Variants in PEX13 observed in about 807,000 individuals in gnomAD.
The protein encoded by PEX13 is peroxisomal biogenesis factor 13.
A neutral mutation model predicts 34.5 loss-of-function variants in PEX13; 28 were observed. The observed-to-expected ratio is 0.81, with a 90% CI of 0.60 to 1.11. PEX13 has a LOEUF of 1.11. PEX13 is among the 50% of genes most tolerant of loss of function. The pLI is 0.00. For missense variants in PEX13, 550 were observed against 491.0 expected, an observed-to-expected ratio of 1.12 and a Z score of -1.13; for synonymous variants, 177 against 175.1, an observed-to-expected ratio of 1.01 and a Z score of -0.09.
chr2:61,023,507 C>T (rs1194116712), intron 1 of PEX13, among the ~76,000 whole-genome samples: 1 of 151,898 alleles, frequency 6.6e-6, no homozygotes, highest in Non-Finnish European at 1.5e-5. Context: ...CAGGAAAATG[C>T]TCATCAATTA....
chr2:61,024,647 A>C (rs1351290168), intron 1 of PEX13, among the ~76,000 whole-genome samples: 5 of 152,150 alleles, frequency 3.3e-5, no homozygotes, highest in Admixed American at 3.3e-4. Context: ...GTCTCTACTG[A>C]AAATACAAAA....
intron 1 of PEX13, among the ~76,000 whole-genome samples, chr2:61,025,703 A>C (rs1305841889): frequency 6.6e-6 from 1 of 152,182 alleles, no homozygotes; most frequent in African/African-American, 2.4e-5. Flanking sequence ...GTATATAGAC[A>C]GTTTAATGTG....
chr2:61,033,352 C>A (rs532928664), intron 2 of PEX13, among the ~76,000 whole-genome samples: 1 of 152,246 alleles, frequency 6.6e-6, no homozygotes, highest in East Asian at 1.9e-4. Flanking sequence ...GATGTAGTTA[C>A]TGACTAAATG....
At chr2:61,028,918 C>G (rs72809443) in intron 1 of PEX13, among the ~76,000 whole-genome samples, 28,833 of 152,060 alleles carry the variant, frequency 0.19, 2,990 homozygotes, top group Middle Eastern at 0.31. Context: ...TACAATGGCT[C>G]ATGCCTGTAA....
chr2:61,044,075 A>G (rs759150610), intron 2 of PEX13, among the ~76,000 whole-genome samples: 18 of 151,914 alleles, frequency 1.2e-4, no homozygotes, highest in Middle Eastern at 3.4e-3. Context: ...TCAGCTTCCC[A>G]AGTAGCTAGT....
At chr2:61,046,222 G>C (rs544833306) in intron 3 of PEX13, among the ~76,000 whole-genome samples, 1 of 152,332 alleles carries the variant, frequency 6.6e-6, no homozygotes, top group African/African-American at 2.4e-5. Context: ...GTTAGTCCTT[G>C]TGGACTGGTG....
rs1341244182 is a variant in PEX13, at chr2:61,031,459, C to G, written c.133C>G (p.Gln45Glu). The G allele has an allele frequency of 6.2e-7, 1 of 1,614,074 alleles. No individual in the cohort carries two copies. The highest frequency in any genetic ancestry group is 2.2e-5 in the East Asian group (1 of 44,904). ...LGPTLMTRPG[Q>E]PALTRVPPPI... ...TCCTACTTTAATGACAAGACCTGGA[C>G]AACCAGCACTTACCAGAGTGCCCCC... Residue 45 changes from glutamine (Q) to glutamate (E), a missense_variant, in exon 2 of 4, where the codon CAA becomes GAA. Physicochemically the swap from Gln to Glu is conservative, Grantham distance 29 (BLOSUM62 2). Coordinates refer to ENST00000295030, the MANE Select transcript of PEX13 (RefSeq NM_002618.4).
Position 61,031,972 on chromosome 2 carries a change from G to T in PEX13, c.646G>T (p.Gly216Ter). Residue 216 changes from glycine (G) to a stop codon, truncating the protein, a stop_gained, in exon 2 of 4, where the codon GGA becomes TGA. Transcript: ENST00000295030. LOFTEE classifies it high-confidence loss of function. ...TGAAGACCTCTGGGCAGAGAGTGAAGGAACTGTGGCATGCCTTGGTGCTGA... is the reference window on the plus strand; with the variant it reads ...TGAAGACCTCTGGGCAGAGAGTGAATGAACTGTGGCATGCCTTGGTGCTGA... ...ENEDLWAESE[G>*]TVACLGAEDR... 1 of 1,614,082 alleles carries T rather than the reference G, an allele frequency of 6.2e-7. No individual in the cohort carries two copies. The highest frequency in any genetic ancestry group is 8.5e-7 in the Non-Finnish European group (1 of 1,179,940).
At chr2:61,044,957 C>T (rs2104812171) in intron 2 of PEX13, among the ~76,000 whole-genome samples, 1 of 152,278 alleles carries the variant, frequency 6.6e-6, no homozygotes, top group Admixed American at 6.5e-5. Context: ...AGGAAATTTC[C>T]ATATTTCAAA....
Position 61,051,075 on chromosome 2 carries a change from G to C in PEX13, c.*2305G>C, listed in dbSNP as rs1198670744. ...CTTTTTTGAAACGACAGTATCGTAA[G>C]TAACATATCATTTATAATAGAAATC... On this transcript the variant is annotated 3_prime_UTR_variant, in exon 4 of 4. Transcript: ENST00000295030. The C allele has an allele frequency of 3.3e-5, 5 of 152,312 alleles. No homozygotes were observed. The highest frequency in any genetic ancestry group is 1.2e-4 in the African/African-American group (5 of 41,442). The allele number at this position is 152,312 out of a possible 1,614,324, so 9.4% of individuals were successfully genotyped here.
chr2:61,047,185 T>G (rs932209831), intron 3 of PEX13, among the ~76,000 whole-genome samples: 1 of 152,100 alleles, frequency 6.6e-6, no homozygotes, highest in Non-Finnish European at 1.5e-5. Context: ...AGACAGAGTC[T>G]AGCTCTGTTG....
chr2:61,028,084 G>A (rs1389162757), intron 1 of PEX13, among the ~76,000 whole-genome samples: 1 of 152,176 alleles, frequency 6.6e-6, no homozygotes, highest in African/African-American at 2.4e-5. Context: ...TAGAATATTT[G>A]TGGTACAAAA....
intron 1 of PEX13, among the ~76,000 whole-genome samples, chr2:61,026,516 T>A (rs1366970797): frequency 6.6e-6 from 1 of 151,528 alleles, no homozygotes; most frequent in East Asian, 1.9e-4. Context: ...CGTGGCTAAT[T>A]TTTGTATTTT....
At chr2:61,024,536 G>A (rs1288722079) in intron 1 of PEX13, among the ~76,000 whole-genome samples, 1 of 152,174 alleles carries the variant, frequency 6.6e-6, no homozygotes, top group Non-Finnish European at 1.5e-5. Flanking sequence ...GAGGCCGGGT[G>A]CAGTGGCTCA....
chr2:61,022,728 G>A (rs1413889376), intron 1 of PEX13, among the ~76,000 whole-genome samples: 3 of 152,120 alleles, frequency 2.0e-5, no homozygotes, highest in Non-Finnish European at 4.4e-5. Flanking sequence ...TTGGCCAGGT[G>A]TAGTGGTGTG....
rs1213639682 is a variant in PEX13 at position 61,031,953 on chromosome 2, C to T, written c.627C>T (p.Asp209=). The change falls in exon 2 of 4, where the codon GAC becomes GAT. Residue 209 remains aspartate (D), a synonymous_variant. Coordinates refer to ENST00000295030, the MANE Select transcript of PEX13 (RefSeq NM_002618.4). ...LGLRRGSENE[D]LWAESEGTVA... The stretch of plus-strand genomic sequence containing the variant: ...TAAGAAGAGGCTCTGAGAATGAAGA[C>T]CTCTGGGCAGAGAGTGAAGGAACTG... 1 of 1,614,140 alleles carries T rather than the reference C, an allele frequency of 6.2e-7. No homozygotes were observed. Among genetic ancestry groups the T allele is most frequent in the South Asian group, 1.1e-5 (1 of 91,078 alleles).
chr2:61,029,826 T>C (rs1289145795), intron 1 of PEX13, among the ~76,000 whole-genome samples: 1 of 150,094 alleles, frequency 6.7e-6, no homozygotes, highest in East Asian at 2.0e-4. Context: ...AAAAAAAAAG[T>C]ATTCAGAAAA....
rs1389294475 is a variant in PEX13 at position 61,031,432 on chromosome 2, G to A, written c.106G>A (p.Gly36Ser). 3 of 1,613,710 alleles carry A rather than the reference G, an allele frequency of 1.9e-6. No homozygotes were observed. The highest frequency in any genetic ancestry group is 1.1e-5 in the South Asian group (1 of 91,074). The change falls in exon 2 of 4, where the codon GGT (glycine) becomes AGT (serine). Residue 36 changes from glycine to serine, a missense_variant. Physicochemically the swap from Gly to Ser is moderately conservative, Grantham distance 56 (BLOSUM62 0). Transcript: ENST00000295030. Reference sequence around the variant, plus strand: ...TTTTGGTTTTAGATCTGCTGATTTGGGTCCTACTTTAATGACAAGACCTGG... The same window carrying A: ...TTTTGGTTTTAGATCTGCTGATTTGAGTCCTACTTTAATGACAAGACCTGG... The part of the protein sequence containing the change: ...PGPTFQSADL[G>S]PTLMTRPGQP...
In PEX13 at chr2:61,048,542, G is replaced by A. The variant is rs144086063; in HGVS notation, c.984G>A (p.Ala328=). The change falls in exon 4 of 4, where the codon GCG becomes GCA. Residue 328 remains alanine (A), a synonymous_variant. Coordinates refer to ENST00000295030, the MANE Select transcript of PEX13 (RefSeq NM_002618.4). ...LDGQTTGLIP[A]NYVKILGKRK... is the part of the protein sequence containing the mutation. ...GCCAAACAACAGGACTTATACCTGC[G>A]AATTATGTCAAAATTCTTGGCAAAA... 4.4e-5 allele frequency: 71 copies of A among 1,613,810 alleles called. No individual in the cohort carries two copies. Among genetic ancestry groups the A allele is most frequent in the African/African-American group, 3.7e-4 (28 of 74,864 alleles).
Sources: allele counts gnomAD v4.1 joint callset (sites outside exome capture counted in the v4.1 genomes callset), GRCh38; gene constraint gnomAD v4.1.1; transcripts MANE v1.5; gene names NCBI Gene and HGNC (gene_info 2026-07-23, HGNC 2026-07-21).